Variants in EML5 observed in about 807,000 individuals in gnomAD.
EML5 encodes EMAP like 5, also known as echinoderm microtubule-associated protein-like 5.
EML5 carries 120 observed loss-of-function variants against 250.0 expected under a neutral mutation model. That is an observed-to-expected ratio of 0.48 (90% CI 0.41 to 0.56). The LOEUF (loss-of-function observed/expected upper bound fraction) is 0.56, where lower values mean the gene tolerates loss of function less well. Ranked by LOEUF, EML5 falls within the 20% of genes least tolerant of loss-of-function variation. EML5 has a pLI of 0.00. For synonymous variants in EML5, 771 were observed against 806.5 expected (o/e 0.96, Z 0.75); for missense variants, 2,006 against 2,437.6 (o/e 0.82, Z 3.73).
chr14:88,787,154 T>C (rs1231691848), intron 1 of EML5, among the ~76,000 whole-genome samples: 1 of 152,234 alleles, frequency 6.6e-6, no homozygotes. Flanking sequence ...CTGATGACCC[T>C]TCTCCCTATT....
At position 88,702,416 on chromosome 14, in the gene EML5, T is replaced by G. The variant is rs746146734; in HGVS notation, c.2238+30A>C. ...TAAACTCAAACAAAGGTGTAGCTTATCTGGCTTATTGTCAGTCTTTCAAAC... is the reference window on the plus strand; with the variant it reads ...TAAACTCAAACAAAGGTGTAGCTTAGCTGGCTTATTGTCAGTCTTTCAAAC... On this transcript the variant is annotated intron_variant, in intron 14 of 43. Coordinates refer to ENST00000554922, the MANE Select transcript of EML5 (RefSeq NM_183387.3). The G allele has an allele frequency of 2.2e-5, 34 of 1,550,840 alleles. No individual in the cohort carries two copies. In the Admixed American group the frequency reaches 4.1e-4, roughly 19 times the overall value.
chr14:88,702,760 A>T, intron 13 of EML5, 128 bp from the exon 14 acceptor site: 1 of 659,528 alleles, frequency 1.5e-6, no homozygotes, highest in Non-Finnish European at 2.3e-6. Context: ...GATACTAAAC[A>T]ATTTTTTTTC....
At chr14:88,741,494 T>C (rs2093924852) in intron 4 of EML5, among the ~76,000 whole-genome samples, 1 of 152,164 alleles carries the variant, frequency 6.6e-6, no homozygotes, top group Non-Finnish European at 1.5e-5. Context: ...TTTGTTCTAT[T>C]AGGTGGAATT....
At chr14:88,649,183 A>G (rs887305138) in intron 28 of EML5, among the ~76,000 whole-genome samples, 4 of 151,894 alleles carry the variant, frequency 2.6e-5, no homozygotes, top group African/African-American at 9.7e-5. Flanking sequence ...GGCTGCCACC[A>G]CACCCAGCTA....
intron 4 of EML5, among the ~76,000 whole-genome samples, chr14:88,743,738 C>T (rs1053082291): frequency 2.6e-5 from 4 of 152,036 alleles, no homozygotes; most frequent in African/African-American, 9.7e-5. Flanking sequence ...GTAAGTGAAA[C>T]ATGAAGAAAC....
intron 20 of EML5, among the ~76,000 whole-genome samples, chr14:88,683,050 T>C (rs1171141386): frequency 6.6e-6 from 1 of 152,258 alleles, no homozygotes; most frequent in Non-Finnish European, 1.5e-5. Context: ...AGCTCATGCA[T>C]AAGTACGTCT....
Position 88,674,591 on chromosome 14 carries a change from T to C in EML5, c.3124+7299A>G, listed in dbSNP as rs150920441. On this transcript the variant is annotated intron_variant, in intron 21 of 43. Coordinates refer to ENST00000554922, the MANE Select transcript of EML5 (RefSeq NM_183387.3). ...CAACACATGTGAATTCGAGATGAGATTTGGGTGGGGACACAGTTAAACCAC... is the reference window on the plus strand; with the variant it reads ...CAACACATGTGAATTCGAGATGAGACTTGGGTGGGGACACAGTTAAACCAC... Among the ~76,000 whole-genome samples the C allele has an allele frequency of 6.6e-5, 10 of 152,192 alleles. No homozygotes were observed. The East Asian group carries it at 1.9e-3, about 29-fold the overall frequency.
Position 88,616,223 on chromosome 14 carries a change from A to G in EML5, c.5816T>C (p.Leu1939Ser), listed in dbSNP as rs751870520. The stretch of plus-strand genomic sequence containing the variant: ...ATTTGTCACATGGGGCGAATGACCC[A>G]AGAACCTTTTGTGTTTTGCCTAAAA... ...PEKFAKHKRF[L>S]GHSPHVTNIR... Residue 1939 changes from leucine to serine, a missense_variant, in exon 43 of 44, where the codon TTG becomes TCG. Coordinates refer to ENST00000554922, the MANE Select transcript of EML5 (RefSeq NM_183387.3). 2 of 1,613,920 alleles carry G rather than the reference A, an allele frequency of 1.2e-6. No individual in the cohort carries two copies.
chr14:88,679,979 CT>C (rs1283463350), intron 21 of EML5, among the ~76,000 whole-genome samples: 1 of 152,106 alleles, frequency 6.6e-6, no homozygotes, highest in African/African-American at 2.4e-5. Context: ...CATTAATAAA[CT>C]TTGCTCCTTA....
intron 29 of EML5, among the ~76,000 whole-genome samples, chr14:88,645,058 A>G (rs2091279019): frequency 1.5e-5 from 1 of 65,874 alleles, no homozygotes; most frequent in African/African-American, 3.4e-5. Flanking sequence ...ACCAAGTTTC[A>G]CTTTGTCACC....
chr14:88,724,660 T>A (rs2140059064), intron 8 of EML5, among the ~76,000 whole-genome samples: 1 of 152,326 alleles, frequency 6.6e-6, no homozygotes, highest in East Asian at 1.9e-4. Context: ...AAAACCTCTA[T>A]AAGTGAGCAC....
chr14:88,768,697 A>G (rs2094352350), intron 1 of EML5, among the ~76,000 whole-genome samples: 1 of 152,104 alleles, frequency 6.6e-6, no homozygotes, highest in African/African-American at 2.4e-5. Context: ...CAGGCGTGAG[A>G]CATCGCACCT....
intron 33 of EML5, among the ~76,000 whole-genome samples, chr14:88,632,226 T>C (rs1008545426): frequency 6.6e-6 from 1 of 152,166 alleles, no homozygotes; most frequent in Non-Finnish European, 1.5e-5. Flanking sequence ...TACTCCAGAA[T>C]ACACCCCATA....
intron 17 of EML5, among the ~76,000 whole-genome samples, chr14:88,693,523 T>C (rs1003635787): frequency 2.6e-5 from 4 of 152,062 alleles, no homozygotes; most frequent in East Asian, 1.9e-4. Context: ...CCTTGACACA[T>C]AGGGATTATT....
chr14:88,704,231 A>G (rs968000829), intron 13 of EML5, among the ~76,000 whole-genome samples: 2 of 152,116 alleles, frequency 1.3e-5, no homozygotes, highest in Non-Finnish European at 2.9e-5. Context: ...GATTGCTTAA[A>G]GAGTCCAGAA....
intron 1 of EML5, among the ~76,000 whole-genome samples, chr14:88,787,364 T>C (rs1190424837): frequency 1.3e-5 from 2 of 152,252 alleles, no homozygotes; most frequent in Non-Finnish European, 1.5e-5. Context: ...CAAATATTTC[T>C]TGGATGAGAA....
At chr14:88,726,461 T>C in intron 8 of EML5, 80 bp downstream of exon 8, 1 of 1,228,380 alleles carries the variant, frequency 8.1e-7, no homozygotes, top group Non-Finnish European at 1.1e-6. Context: ...TTATATATTC[T>C]GTATCGCTGA....
rs374691227 is a variant in EML5 at position 88,758,918 on chromosome 14, A to G, written c.198-4247T>C. Among the ~76,000 whole-genome samples the G allele has an allele frequency of 2.2e-3, 341 of 152,344 alleles. 2 individuals are homozygous for G. Among genetic ancestry groups the G allele is most frequent in the Middle Eastern group, 3.4e-3 (1 of 294 alleles). ...GAAAACAGATATATAAGGGCCACAT[A>G]TCATATTAATACATTATGAAATGTC... On this transcript the variant is annotated intron_variant, in intron 1 of 43. Coordinates refer to ENST00000554922, the MANE Select transcript of EML5 (RefSeq NM_183387.3).
rs2139747064 is a variant in EML5 at position 88,704,840 on chromosome 14, G to T, written c.2051+20C>A. 1.3e-6 allele frequency: 2 copies of T among 1,572,376 alleles called. No homozygotes were observed. The highest frequency in any genetic ancestry group is 2.2e-5 in the East Asian group (1 of 44,564). On this transcript the variant is annotated intron_variant, in intron 13 of 43. Coordinates refer to ENST00000554922, the MANE Select transcript of EML5 (RefSeq NM_183387.3). ...TGAACCAAAATTCAAACAAATAAAT[G>T]AAAGATAGTTGTTTTATACCCGTGA... is the stretch of plus-strand genomic sequence containing the variant.
Sources: allele counts gnomAD v4.1 joint callset (sites outside exome capture counted in the v4.1 genomes callset), GRCh38; gene constraint gnomAD v4.1.1; transcripts MANE v1.5; gene names NCBI Gene and HGNC (gene_info 2026-07-23, HGNC 2026-07-21).